The following REXO1 variants were observed in gnomAD, a reference collection of about 807,000 sequenced individuals.
REXO1 encodes the protein RNA exonuclease 1 homolog, also known as REX1, RNA exonuclease 1 homolog.
Under a neutral mutation model 102.6 loss-of-function variants are expected in REXO1, and 42 were observed. The observed-to-expected ratio is 0.41, with a 90% confidence interval of 0.32 to 0.53. REXO1 has a LOEUF of 0.53. REXO1 is among the 20% of genes least tolerant of loss of function. The pLI is 0.27. For synonymous variants in REXO1, 908 were observed against 779.1 expected (o/e 1.17, Z -2.76); for missense variants, 1,819 against 1,732.5 (o/e 1.05, Z -0.89).
intron 1 of REXO1, among the ~76,000 whole-genome samples, chr19:1,841,479 C>A (rs1184395674): frequency 6.6e-6 from 1 of 152,234 alleles, no homozygotes; most frequent in Non-Finnish European, 1.5e-5. Flanking sequence ...GATGCCACGA[C>A]CCCATCGTGC....
At position 1,841,890 on chromosome 19, in the gene REXO1, A is replaced by C. The variant is rs182979301; in HGVS notation, c.157+6312T>G. Among the ~76,000 whole-genome samples the C allele has an allele frequency of 9.1e-3, 1,383 of 152,246 alleles. 7 individuals are homozygous for C. The highest frequency in any genetic ancestry group is 0.016 in the Non-Finnish European group (1,072 of 68,004). On this transcript the variant is annotated intron_variant, in intron 1 of 15. Coordinates refer to ENST00000170168, the MANE Select transcript of REXO1 (RefSeq NM_020695.4). ...GGTCTCTGCCTCTCCCTACAGGCAG[A>C]GCGCCAGCTCAGCCATCCCTCTCGA...
At chr19:1,843,610 G>A (rs902966437) in intron 1 of REXO1, among the ~76,000 whole-genome samples, 1 of 152,156 alleles carries the variant, frequency 6.6e-6, no homozygotes. Context: ...CCTGCCACCC[G>A]CTGGTAAAAT....
intron 3 of REXO1, among the ~76,000 whole-genome samples, chr19:1,825,007 G>A (rs942312128): frequency 8.0e-5 from 12 of 150,542 alleles, no homozygotes; most frequent in African/African-American, 2.4e-4. Flanking sequence ...GGCTGGTCTC[G>A]AACTCCTGAC....
At chr19:1,823,409 C>T in intron 4 of REXO1, 163 bp downstream of exon 4, 1 of 436,160 alleles carries the variant, frequency 2.3e-6, no homozygotes, top group Non-Finnish European at 3.8e-6. Flanking sequence ...TCAACAGTCC[C>T]CATTTCACAG....
chr19:1,833,434 G>A (rs568208556), intron 1 of REXO1, among the ~76,000 whole-genome samples: 35 of 152,328 alleles, frequency 2.3e-4, no homozygotes, highest in African/African-American at 7.9e-4. Context: ...CCCAGCAGGC[G>A]CAGAGGGGCC....
chr19:1,820,231 C>A (rs373390368), intron 6 of REXO1, 33 bp downstream of exon 6: 1 of 1,598,030 alleles, frequency 6.3e-7, no homozygotes, highest in South Asian at 1.1e-5. Flanking sequence ...TAGTCCCCAC[C>A]CGACCGGCCA....
chr19:1,845,595 T>G (rs775268839), intron 1 of REXO1, among the ~76,000 whole-genome samples: 1 of 152,070 alleles, frequency 6.6e-6, no homozygotes, highest in Non-Finnish European at 1.5e-5. Flanking sequence ...GTCCAGGAGG[T>G]CGAGGCTGCA....
At chr19:1,821,950 TTC>T in intron 4 of REXO1, 1 of 548,608 alleles carries the variant, frequency 1.8e-6, no homozygotes, top group Non-Finnish European at 3.2e-6. Context: ...CTGCCACGTG[TTC>T]TGACCCCAAG....
intron 1 of REXO1, chr19:1,830,718 G>T (rs1442986631): frequency 4.1e-6 from 1 of 243,874 alleles, no homozygotes; most frequent in African/African-American, 2.4e-5. Context: ...GTCACTGAGG[G>T]GGCCATGGAC....
intron 5 of REXO1, 64 bp from the exon 6 acceptor site, chr19:1,820,459 G>C (rs2069499960): frequency 6.3e-7 from 1 of 1,585,634 alleles, no homozygotes; most frequent in Non-Finnish European, 8.6e-7. Flanking sequence ...GGGGAACGCA[G>C]ACGCGATGAG....
chr19:1,817,670 G>A, intron 11 of REXO1, 37 bp downstream of exon 11: 1 of 1,592,776 alleles, frequency 6.3e-7, no homozygotes, highest in Non-Finnish European at 8.6e-7. Flanking sequence ...GAAGTCTGTT[G>A]AGAACAGGCA....
At chr19:1,838,591 G>C (rs1325942326) in intron 1 of REXO1, among the ~76,000 whole-genome samples, 1 of 151,656 alleles carries the variant, frequency 6.6e-6, no homozygotes, top group African/African-American at 2.4e-5. Flanking sequence ...TTTGAACTCG[G>C]GAGGCGGACG....
At chr19:1,817,922 A>G in intron 10 of REXO1, 142 bp from the exon 11 acceptor site, 2 of 661,954 alleles carry the variant, frequency 3.0e-6, no homozygotes, top group East Asian at 5.5e-5. Flanking sequence ...TGGAGCTGGA[A>G]GCAGACCAGG....
rs1204480487 is a variant in REXO1 at position 1,819,085 on chromosome 19, GCCC to G, written c.2694_2696del (p.Gly899del). ...AGAAGCTGGTCTTGGCGGCCAACCT[GCCC>G]CCCAACACCACCTCGTGGGACACAA... On this transcript the variant is annotated inframe_deletion, in exon 8 of 16. Coordinates refer to ENST00000170168, the MANE Select transcript of REXO1 (RefSeq NM_020695.4). The G allele has an allele frequency of 6.3e-7, 1 of 1,598,946 alleles. No homozygotes were observed. The highest frequency in any genetic ancestry group is 8.5e-7 in the Non-Finnish European group (1 of 1,172,170).
chr19:1,828,485 C>G lies in REXO1; in HGVS notation c.304G>C (p.Val102Leu). ...NQAIEAVRSE[V>L]ELEQRRYREL... is the part of the protein sequence containing the mutation. ...CGGTAGCGCCGCTGCTCCAGCTCCACCTCACTGCGCACGGCCTCGATGGCC... is the reference window on the plus strand; with the variant it reads ...CGGTAGCGCCGCTGCTCCAGCTCCAGCTCACTGCGCACGGCCTCGATGGCC... The change falls in exon 2 of 16, where the codon GTG (valine) becomes CTG (leucine). Residue 102 changes from valine to leucine, a missense_variant. Transcript: ENST00000170168. 1 of 1,605,936 alleles carries G rather than the reference C, an allele frequency of 6.2e-7. No homozygotes were observed. Among genetic ancestry groups the G allele is most frequent in the Non-Finnish European group, 8.5e-7 (1 of 1,179,802 alleles).
rs201699355 is a variant in REXO1 at position 1,827,012 on chromosome 19, C to T, written c.1777G>A (p.Ala593Thr). The change falls in exon 2 of 16, where the codon GCG becomes ACG. Residue 593 changes from alanine (A) to threonine (T), a missense_variant. By Grantham distance (58) the Ala-to-Thr change is moderately conservative. Coordinates refer to ENST00000170168, the MANE Select transcript of REXO1 (RefSeq NM_020695.4). Reference protein sequence around the residue: ...SSSSSSSTSSAGADVDYSALE... With the variant: ...SSSSSSSTSSTGADVDYSALE... Reference sequence around the variant, plus strand: ...GCCGAGTAGTCCACATCCGCCCCCGCGCTGGAGGTGGAGGAGGAGGAGGAG... The same window carrying T: ...GCCGAGTAGTCCACATCCGCCCCCGTGCTGGAGGTGGAGGAGGAGGAGGAG... 139 of 1,522,954 alleles carry T rather than the reference C, an allele frequency of 9.1e-5. No individual in the cohort carries two copies. The East Asian group carries it at 2.9e-3, about 32-fold the overall frequency. 94.3% of individuals were successfully genotyped at this position (1,522,954 alleles called of 1,614,324 possible). A position where few individuals can be genotyped will look rare whatever the true frequency, so the allele number is the denominator to read the frequency against.
At chr19:1,831,864 AAAAGAAAG>A (rs1568707403) in intron 1 of REXO1, among the ~76,000 whole-genome samples, 4 of 53,998 alleles carry the variant, frequency 7.4e-5, no homozygotes, top group Non-Finnish European at 2.1e-4. Flanking sequence ...AAAAAAAAAA[AAAAGAAAG>A]AAAAAGAAAA....
chr19:1,840,424 G>A (rs1043297295), intron 1 of REXO1, among the ~76,000 whole-genome samples: 2 of 152,136 alleles, frequency 1.3e-5, no homozygotes, highest in African/African-American at 4.8e-5. Context: ...CTCCCAGGCT[G>A]GGGACAGATG....
At position 1,820,000 on chromosome 19, in the gene REXO1, T is replaced by G; in HGVS notation, c.2584A>C (p.Asn862His). ...TTCTTGAGGGTGTTCACGGCCACAT[T>G]CAGGTAGATGTTCTTGCTGGGGCTG... is the stretch of plus-strand genomic sequence containing the variant. ...DRSPSKNIYL[N>H]VAVNTLKKLR... Residue 862 changes from asparagine to histidine, a missense_variant, in exon 7 of 16, where the codon AAT becomes CAT. By Grantham distance (68) the Asn-to-His change is moderately conservative. Transcript: ENST00000170168. 6.3e-7 allele frequency: 1 copy of G among 1,598,918 alleles called. No homozygotes were observed. The highest frequency in any genetic ancestry group is 8.5e-7 in the Non-Finnish European group (1 of 1,175,768).
Sources: gnomAD v4.1 joint callset for allele counts (sites outside exome capture counted in the v4.1 genomes callset) on GRCh38, gnomAD v4.1.1 for gene constraint, MANE v1.5 for transcripts, NCBI Gene and HGNC (gene_info 2026-07-23, HGNC 2026-07-21) for gene names.